Variants in TTYH1 observed in about 807,000 individuals in gnomAD.
The protein encoded by TTYH1 is protein tweety homolog 1.
TTYH1 carries 33 observed loss-of-function variants against 61.2 expected under a neutral mutation model. The observed-to-expected ratio is 0.54, with a 90% confidence interval of 0.41 to 0.72. TTYH1 has a LOEUF of 0.72. Ranked by LOEUF, TTYH1 falls within the 30% of genes least tolerant of loss-of-function variation. The pLI is 0.00. For synonymous variants in TTYH1, 308 were observed against 266.4 expected (o/e 1.16, Z -1.52); for missense variants, 538 against 575.8 (o/e 0.93, Z 0.67).
chr19:54,435,795 C>T (rs377650543), intron 11 of TTYH1, 33 bp from the exon 12 acceptor site: 61 of 1,613,728 alleles, frequency 3.8e-5, no homozygotes, highest in African/African-American at 1.7e-4. Flanking sequence ...GTCCCCATCC[C>T]GCCTCTCTGC....
At position 54,422,135 on chromosome 19, in the gene TTYH1, C is replaced by T; in HGVS notation, c.418-55C>T. 3 of 1,459,488 alleles carry T rather than the reference C, an allele frequency of 2.1e-6. No individual in the cohort carries two copies. In the South Asian group the frequency reaches 3.8e-5, roughly 18 times the overall value. 90.4% of individuals were successfully genotyped at this position (1,459,488 alleles called of 1,614,324 possible). On this transcript the variant is annotated intron_variant, in intron 3 of 13. Coordinates refer to ENST00000376530, the MANE Select transcript of TTYH1 (RefSeq NM_020659.4). ...TCACTTCTAAAACCCCATGCCTCGA[C>T]CGCGGGCTCCCCCCAGGATGTCCTT...
At chr19:54,427,212 G>T (rs867356399) in intron 5 of TTYH1, among the ~76,000 whole-genome samples, 2 of 135,746 alleles carry the variant, frequency 1.5e-5, no homozygotes, top group African/African-American at 5.6e-5. Context: ...CAGGAGAATC[G>T]CTTGAACTCA....
rs200460828 is a variant in TTYH1, at chr19:54,427,618, C to CA, written c.734+862dup. Among the ~76,000 whole-genome samples the CA allele has an allele frequency of 1.7e-3, 234 of 140,190 alleles. 9 individuals are homozygous for CA. The South Asian group carries it at 0.048, about 29-fold the overall frequency. The allele number at this position is 140,190 out of a possible 152,430, so 92.0% of individuals were successfully genotyped here. On this transcript the variant is annotated intron_variant, in intron 5 of 13. Coordinates refer to ENST00000376530, the MANE Select transcript of TTYH1 (RefSeq NM_020659.4). ...GACTCCATTTCAAAAACAACAACAACAAAAAAAAAAAACAGATGAGGATGA... is the reference window on the plus strand; with the variant it reads ...GACTCCATTTCAAAAACAACAACAACAAAAAAAAAAAAACAGATGAGGATGA...
In TTYH1 at chr19:54,436,222, T is replaced by G. The variant is rs2122965610; in HGVS notation, c.*42+51T>G. Reference sequence around the variant, plus strand: ...TCCTGCAGCCGGGCCTCTGCCCCCCTCCCGCCCTCCGAGCTGCTCCAGGCA... The same window carrying G: ...TCCTGCAGCCGGGCCTCTGCCCCCCGCCCGCCCTCCGAGCTGCTCCAGGCA... On this transcript the variant is annotated intron_variant, in intron 13 of 13. Transcript: ENST00000376530. The surrounding 1 kb of genome is among the most constrained non-coding windows in gnomAD (Gnocchi z 4.3). 6.2e-7 allele frequency: 1 copy of G among 1,606,566 alleles called. No homozygotes were observed. Among genetic ancestry groups the G allele is most frequent in the South Asian group, 1.1e-5 (1 of 90,748 alleles).
rs2083326046 is a variant in TTYH1, at chr19:54,426,712, G to C, written c.678G>C (p.Leu226=). The C allele has an allele frequency of 6.2e-7, 1 of 1,613,934 alleles. No homozygotes were observed. Among genetic ancestry groups the C allele is most frequent in the Non-Finnish European group, 8.5e-7 (1 of 1,180,016 alleles). The part of the protein sequence containing the change: ...AYVLLLLLEL[L]VCLFTLLGLA... ...TCCTCCTGCTGCTCCTGGAGCTGCT[G>C]GTCTGCCTCTTCACCCTCCTGGGCC... Residue 226 remains leucine (L), a synonymous_variant, in exon 5 of 14, where the codon CTG becomes CTC. Transcript: ENST00000376530.
At position 54,430,885 on chromosome 19, in the gene TTYH1, C is replaced by T; in HGVS notation, c.1012C>T (p.Pro338Ser). The change falls in exon 9 of 14, where the codon CCT (proline) becomes TCT (serine). Residue 338 changes from proline to serine, a missense_variant. This residue lies in a region of TTYH1 where 378 missense variants were observed against 401.2 expected (regional missense o/e 0.94). Transcript: ENST00000376530. ...QLLGLEREAV[P>S]QFPSAQKPLL... is the part of the protein sequence containing the mutation. The stretch of plus-strand genomic sequence containing the variant: ...GCTGGGCCTGGAGCGAGAAGCTGTG[C>T]CTCAGTTCCCTTCAGCGCAGGTCGG... 1.2e-6 allele frequency: 2 copies of T among 1,613,310 alleles called. No individual in the cohort carries two copies. The highest frequency in any genetic ancestry group is 1.7e-6 in the Non-Finnish European group (2 of 1,180,000).
chr19:54,417,021 A>G (rs559244607), intron 1 of TTYH1: 1 of 1,151,748 alleles, frequency 8.7e-7, no homozygotes, highest in East Asian at 7.0e-5. Flanking sequence ...CGAGGAGGGC[A>G]AGGGGGACCC....
chr19:54,431,229 G>A (rs534031062), intron 10 of TTYH1, 38 bp downstream of exon 10: 1 of 1,508,022 alleles, frequency 6.6e-7, no homozygotes, highest in South Asian at 1.1e-5. Context: ...CTCCCACGGG[G>A]GGCCTCTGTC....
chr19:54,424,069 G>A (rs940126569), intron 4 of TTYH1, among the ~76,000 whole-genome samples: 2 of 152,100 alleles, frequency 1.3e-5, no homozygotes, highest in Admixed American at 6.5e-5. Context: ...GCTGAGACAG[G>A]AGAATCGCTT....
chr19:54,421,275 A>G lies in TTYH1; in HGVS notation c.306-2A>G. The G allele has an allele frequency of 6.2e-7, 1 of 1,607,876 alleles. No homozygotes were observed. The highest frequency in any genetic ancestry group is 8.5e-7 in the Non-Finnish European group (1 of 1,174,418). Reference sequence around the variant, plus strand: ...GATTCCTCTCCCTCCTCCTCCGCTCAGCACTGGCATTGGCATCGGTTTCTA... The same window carrying G: ...GATTCCTCTCCCTCCTCCTCCGCTCGGCACTGGCATTGGCATCGGTTTCTA... On this transcript the variant is annotated splice_acceptor_variant, in intron 2 of 13. Transcript: ENST00000376530. LOFTEE classifies it high-confidence loss of function. The surrounding 1 kb of genome is among the most constrained non-coding windows in gnomAD (Gnocchi z 4.8).
At chr19:54,435,347 A>T (rs967173926) in intron 10 of TTYH1, among the ~76,000 whole-genome samples, 195 bp from the exon 11 acceptor site, 4 of 152,144 alleles carry the variant, frequency 2.6e-5, no homozygotes, top group Non-Finnish European at 5.9e-5. Context: ...CCTGAGTGCC[A>T]GGCCTATCAC....
At chr19:54,426,914 A>C in intron 5 of TTYH1, 146 bp downstream of exon 5, 1 of 685,896 alleles carries the variant, frequency 1.5e-6, no homozygotes, top group Non-Finnish European at 2.4e-6. Context: ...GCAGCCCAGG[A>C]GGGAGGCGGG....
intron 9 of TTYH1, 66 bp downstream of exon 9, chr19:54,430,971 C>T: frequency 6.5e-7 from 1 of 1,537,018 alleles, no homozygotes; most frequent in South Asian, 1.1e-5. Flanking sequence ...CGGGATGGAG[C>T]TGTGGGGCGT....
intron 5 of TTYH1, among the ~76,000 whole-genome samples, chr19:54,427,995 C>G (rs1322096970): frequency 6.6e-6 from 1 of 151,320 alleles, no homozygotes; most frequent in Non-Finnish European, 1.5e-5. Flanking sequence ...ACTACAGCCT[C>G]TGTCCCCTGA....
chr19:54,432,504 C>G (rs1569267217), intron 10 of TTYH1: 1 of 152,298 alleles, frequency 6.6e-6, no homozygotes, highest in Non-Finnish European at 1.5e-5. Context: ...AGAGAGGGAC[C>G]TTCCGGAGGG....
Position 54,422,365 on chromosome 19 carries a change from G to GC in TTYH1, c.598dup (p.Leu200ProfsTer5). 6.3e-7 allele frequency: 1 copy of GC among 1,575,650 alleles called. No individual in the cohort carries two copies. On this transcript the variant is annotated frameshift_variant, in exon 4 of 14. Transcript: ENST00000376530. LOFTEE classifies it high-confidence loss of function. ...GCCTTCTGGCAGGGAGTGCCCCTGAGCCCCCTGCAGGTGGCTGAAAATGTG... is the reference window on the plus strand; with the variant it reads ...GCCTTCTGGCAGGGAGTGCCCCTGAGCCCCCCTGCAGGTGGCTGAAAATGTG...
Position 54,426,655 on chromosome 19 carries a change from T to C in TTYH1, c.639-18T>C, listed in dbSNP as rs1352873038. The C allele has an allele frequency of 6.2e-7, 1 of 1,610,450 alleles. No individual in the cohort carries two copies. The stretch of plus-strand genomic sequence containing the variant: ...GGAGGCAGGTTTGTGGTTTCAGCCC[T>C]ACCCTCTCCCCTCCCAGGTGGCTGG... On this transcript the variant is annotated intron_variant, in intron 4 of 13. Coordinates refer to ENST00000376530, the MANE Select transcript of TTYH1 (RefSeq NM_020659.4).
chr19:54,431,004 G>A, intron 9 of TTYH1, 95 bp from the exon 10 acceptor site: 2 of 1,493,014 alleles, frequency 1.3e-6, no homozygotes, highest in Non-Finnish European at 1.8e-6. Context: ...AGAGCTAGGC[G>A]GGGCCTTGGG....
rs771338709 is a variant in TTYH1 at position 54,436,221 on chromosome 19, C to G, written c.*42+50C>G. 6.2e-7 allele frequency: 1 copy of G among 1,607,224 alleles called. No individual in the cohort carries two copies. Among genetic ancestry groups the G allele is most frequent in the Admixed American group, 1.7e-5 (1 of 59,856 alleles). On this transcript the variant is annotated intron_variant, in intron 13 of 13. Transcript: ENST00000376530. The surrounding 1 kb of genome is among the most constrained non-coding windows in gnomAD (Gnocchi z 4.3). ...CTCCTGCAGCCGGGCCTCTGCCCCC[C>G]TCCCGCCCTCCGAGCTGCTCCAGGC... is the stretch of plus-strand genomic sequence containing the variant.
Sources: gnomAD v4.1 joint callset for allele counts (sites outside exome capture counted in the v4.1 genomes callset) on GRCh38, gnomAD v4.1.1 for gene constraint, gnomAD v4.1.1 regional missense constraint, Gnocchi (gnomAD v3.1) non-coding constraint, MANE v1.5 for transcripts, NCBI Gene and HGNC (gene_info 2026-07-23, HGNC 2026-07-21) for gene names.